LRWD1: variants seen among roughly 807,000 people sequenced by gnomAD.
The protein encoded by LRWD1 is leucine rich repeats and WD repeat domain containing 1.
Under a neutral mutation model 75.6 loss-of-function variants are expected in LRWD1, and 76 were observed. The ratio of observed to expected loss-of-function variants is 1.01; its 90% confidence interval spans 0.84 to 1.22. The LOEUF (loss-of-function observed/expected upper bound fraction) is 1.22. Ranked by LOEUF, LRWD1 falls within the 50% of genes most tolerant of loss-of-function variation. LRWD1 has a pLI of 0.00. For missense variants in LRWD1, 917 were observed against 862.0 expected (o/e 1.06, Z -0.80); for synonymous variants, 487 against 377.0 (o/e 1.29, Z -3.38).
At position 102,472,288 on chromosome 7, in the gene LRWD1, T is replaced by C. The variant is rs758830295; in HGVS notation, c.1513T>C (p.Phe505Leu). The C allele has an allele frequency of 1.3e-6, 2 of 1,583,832 alleles. No individual in the cohort carries two copies. Among genetic ancestry groups the C allele is most frequent in the South Asian group, 1.1e-5 (1 of 87,220 alleles). Reference protein sequence around the residue: ...ASGRRVDGLAFVNEDIVASKG... With the variant: ...ASGRRVDGLALVNEDIVASKG... ...TGGACGGAGAGTGGATGGGCTGGCATTTGTGAATGAGGACATCGTGGGTGA... is the reference window on the plus strand; with the variant it reads ...TGGACGGAGAGTGGATGGGCTGGCACTTGTGAATGAGGACATCGTGGGTGA... The change falls in exon 12 of 15, where the codon TTT (phenylalanine) becomes CTT (leucine). Residue 505 changes from phenylalanine to leucine, a missense_variant. Transcript: ENST00000292616.
rs75691611 is a variant in LRWD1, at chr7:102,467,723, G to A, written c.578G>A (p.Arg193Gln). 9,506 of 1,551,534 alleles carry A rather than the reference G, an allele frequency of 6.1e-3. 51 individuals carry two copies. Among genetic ancestry groups the A allele is most frequent in the South Asian group, 0.011 (946 of 84,032 alleles). Reference protein sequence around the residue: ...SLSEFTQWRVRMISEELVAAS... With the variant: ...SLSEFTQWRVQMISEELVAAS... ...TGATGGCCTGGCCCCACCCAGGTGC[G>A]GATGATCTCTGAGGAGCTGGTGGCC... is the stretch of plus-strand genomic sequence containing the variant. The change falls in exon 5 of 15, where the codon CGG becomes CAG. Residue 193 changes from arginine to glutamine, a missense_variant. Physicochemically the swap from Arg to Gln is conservative, Grantham distance 43 (BLOSUM62 1). Coordinates refer to ENST00000292616, the MANE Select transcript of LRWD1 (RefSeq NM_152892.3).
In LRWD1 at chr7:102,465,235, A is replaced by G. The variant is rs142288913; in HGVS notation, c.80+75A>G. On this transcript the variant is annotated intron_variant, in intron 1 of 14. Transcript: ENST00000292616. ...GGGAGAAGAGCGGGGACCCTCCCCAACGGCCCGCTTGTCCCCGTTATCGCC... is the reference window on the plus strand; with the variant it reads ...GGGAGAAGAGCGGGGACCCTCCCCAGCGGCCCGCTTGTCCCCGTTATCGCC... 1.9e-3 allele frequency: 2,486 copies of G among 1,299,870 alleles called. 38 individuals are homozygous for G. In the African/African-American group the frequency reaches 0.033, roughly 17 times the overall value. 80.5% of individuals were successfully genotyped at this position (1,299,870 alleles called of 1,614,324 possible).
In LRWD1 at chr7:102,468,847, C is replaced by T; in HGVS notation, c.1021-8C>T. 3 of 1,609,146 alleles carry T rather than the reference C, an allele frequency of 1.9e-6. No individual in the cohort carries two copies. The highest frequency in any genetic ancestry group is 1.7e-6 in the Non-Finnish European group (2 of 1,179,022). On this transcript the variant is annotated splice_region_variant and splice_polypyrimidine_tract_variant and intron_variant, in intron 8 of 14. Transcript: ENST00000292616. Reference sequence around the variant, plus strand: ...CCCCAGTGACTGTTTACTCTAACCCCCGCCCAGGAGTTCTTTTCTGTGGCC... The same window carrying T: ...CCCCAGTGACTGTTTACTCTAACCCTCGCCCAGGAGTTCTTTTCTGTGGCC...
intron 1 of LRWD1, 49 bp from the exon 2 acceptor site, chr7:102,465,765 GTGT>G: frequency 6.5e-6 from 9 of 1,380,072 alleles, no homozygotes; most frequent in Non-Finnish European, 9.3e-6. Flanking sequence ...GGGCAGATTG[GTGT>G]AGGGTGCAAA....
Position 102,473,163 on chromosome 7 carries a change from C to T in LRWD1, c.*114C>T, listed in dbSNP as rs1456302613. On this transcript the variant is annotated 3_prime_UTR_variant, in exon 15 of 15. Coordinates refer to ENST00000292616, the MANE Select transcript of LRWD1 (RefSeq NM_152892.3). ...TATTTTTATTAAACTCTACTGTGGA[C>T]AAGAAGCCTGTGGAAAGGTGTTTCG... 1 of 1,232,090 alleles carries T rather than the reference C, an allele frequency of 8.1e-7. No homozygotes were observed. The highest frequency in any genetic ancestry group is 1.5e-5 in the South Asian group (1 of 67,120). The allele number at this position is 1,232,090 out of a possible 1,614,324, so 76.3% of individuals were successfully genotyped here. A position where few individuals can be genotyped will look rare whatever the true frequency, so the allele number is the denominator to read the frequency against.
In LRWD1 at chr7:102,468,606, T is replaced by C. The variant is rs746712396; in HGVS notation, c.972T>C (p.Ile324=). Reference sequence around the variant, plus strand: ...GCGGCGGGGAGGCTGTGTGCGTAATTGATTGCCAGACGGGCATCGTGCTCC... The same window carrying C: ...GCGGCGGGGAGGCTGTGTGCGTAATCGATTGCCAGACGGGCATCGTGCTCC... ...ATCGGEAVCV[I]DCQTGIVLHK... Residue 324 remains isoleucine (I), a synonymous_variant, in exon 8 of 15, where the codon ATT becomes ATC. Coordinates refer to ENST00000292616, the MANE Select transcript of LRWD1 (RefSeq NM_152892.3). 5.7e-6 allele frequency: 9 copies of C among 1,578,570 alleles called. No individual in the cohort carries two copies. Among genetic ancestry groups the C allele is most frequent in the Admixed American group, 1.8e-5 (1 of 55,396 alleles).
intron 14 of LRWD1, 36 bp from the exon 15 acceptor site, chr7:102,472,873 G>A (rs1798255776): frequency 4.3e-6 from 7 of 1,611,866 alleles, no homozygotes; most frequent in Non-Finnish European, 5.9e-6. Flanking sequence ...TTGGTCAGCA[G>A]GAGCCCAGCC....
intron 7 of LRWD1, 25 bp from the exon 8 acceptor site, chr7:102,468,529 C>T (rs575802453): frequency 4.1e-5 from 64 of 1,555,648 alleles, no homozygotes; most frequent in African/African-American, 3.0e-4. Context: ...TCTGCTCATC[C>T]GACCTCTCAA....
Position 102,468,255 on chromosome 7 carries a change from C to A in LRWD1, c.805-8C>A. The stretch of plus-strand genomic sequence containing the variant: ...CTGGGCAGCTGTGACCCTTCTCTCC[C>A]CCCACAGCCTGCTGTGAAGCTGGAG... On this transcript the variant is annotated splice_region_variant and splice_polypyrimidine_tract_variant and intron_variant, in intron 6 of 14. Transcript: ENST00000292616. The A allele has an allele frequency of 6.2e-7, 1 of 1,604,536 alleles. No homozygotes were observed. Among genetic ancestry groups the A allele is most frequent in the Non-Finnish European group, 8.5e-7 (1 of 1,176,362 alleles).
rs1288715997 is a variant in LRWD1, at chr7:102,468,727, G to A, written c.1020+73G>A. ...CCTGAACAGCAGCATGGGGATGGAT[G>A]CAGGCTCGGCCCCCTGCCCCATGGC... On this transcript the variant is annotated intron_variant, in intron 8 of 14. Coordinates refer to ENST00000292616, the MANE Select transcript of LRWD1 (RefSeq NM_152892.3). 2.6e-6 allele frequency: 4 copies of A among 1,528,762 alleles called. No individual in the cohort carries two copies. In the African/African-American group the frequency reaches 4.1e-5, roughly 16 times the overall value. 94.7% of individuals were successfully genotyped at this position (1,528,762 alleles called of 1,614,324 possible).
chr7:102,473,123 G>A lies in LRWD1; in HGVS notation c.*74G>A. On this transcript the variant is annotated 3_prime_UTR_variant, in exon 15 of 15. Transcript: ENST00000292616. ...GCTTTGGGCCGATGGGGGTGGGGGG[G>A]GGTCTTTCAGTGAATATTTTTATTA... is the stretch of plus-strand genomic sequence containing the variant. The A allele has an allele frequency of 6.9e-7, 1 of 1,444,784 alleles. No homozygotes were observed. The highest frequency in any genetic ancestry group is 1.4e-5 in the African/African-American group (1 of 69,186). 89.5% of individuals were successfully genotyped at this position (1,444,784 alleles called of 1,614,324 possible).
At position 102,466,174 on chromosome 7, in the gene LRWD1, C is replaced by G; in HGVS notation, c.336C>G (p.Val112=). Residue 112 remains valine, a synonymous_variant, in exon 3 of 15, where the codon GTC becomes GTG. Transcript: ENST00000292616. The part of the protein sequence containing the change: ...PFLTVNDNLK[V]SFLLPTLRKV... Reference sequence around the variant, plus strand: ...CCCAGGTCAATGACAACCTGAAAGTCTCCTTTCTCCTGCCCACGCTCCGTA... The same window carrying G: ...CCCAGGTCAATGACAACCTGAAAGTGTCCTTTCTCCTGCCCACGCTCCGTA... The G allele has an allele frequency of 1.9e-6, 3 of 1,614,180 alleles. No individual in the cohort carries two copies. Among genetic ancestry groups the G allele is most frequent in the Non-Finnish European group, 2.5e-6 (3 of 1,180,026 alleles).
chr7:102,468,425 G>A lies in LRWD1; in HGVS notation c.919+48G>A, dbSNP rs555249190. On this transcript the variant is annotated intron_variant, in intron 7 of 14. Coordinates refer to ENST00000292616, the MANE Select transcript of LRWD1 (RefSeq NM_152892.3). ...GGCAAGGGCCGCTGGAAATAGGGCC[G>A]CCTGGATGGGTGGGGGATCAGGAGA... 1.2e-4 allele frequency: 190 copies of A among 1,549,148 alleles called. 2 individuals are homozygous for A. In the East Asian group the frequency reaches 4.1e-3, roughly 33 times the overall value.
chr7:102,469,312 G>T (rs1172993632), intron 9 of LRWD1, among the ~76,000 whole-genome samples: 1 of 152,210 alleles, frequency 6.6e-6, no homozygotes, highest in Non-Finnish European at 1.5e-5. Context: ...GACCTGGGGG[G>T]ATGCCCCTGC....
At chr7:102,469,170 G>C (rs1232661513) in intron 9 of LRWD1, 108 bp downstream of exon 9, 1 of 1,017,010 alleles carries the variant, frequency 9.8e-7, no homozygotes, top group Non-Finnish European at 1.4e-6. Context: ...GGCGCCTGCC[G>C]GGCCCCAGTC....
In LRWD1 at chr7:102,466,260, T is replaced by C; in HGVS notation, c.422T>C (p.Leu141Pro). ...CAGGTGGAGAACCTGAATCGGGAGCTGACCAGCAGGGTAAGGGGATGAGAG... is the reference window on the plus strand; with the variant it reads ...CAGGTGGAGAACCTGAATCGGGAGCCGACCAGCAGGGTAAGGGGATGAGAG... ...YSQVENLNRE[L>P]TSRVTAHWEK... The change falls in exon 3 of 15, where the codon CTG becomes CCG. Residue 141 changes from leucine (L) to proline (P), a missense_variant. Physicochemically the swap from Leu to Pro is moderately conservative, Grantham distance 98. Coordinates refer to ENST00000292616, the MANE Select transcript of LRWD1 (RefSeq NM_152892.3). 1 of 1,613,608 alleles carries C rather than the reference T, an allele frequency of 6.2e-7. No individual in the cohort carries two copies. The highest frequency in any genetic ancestry group is 8.5e-7 in the Non-Finnish European group (1 of 1,179,608).
intron 9 of LRWD1, 134 bp downstream of exon 9, chr7:102,469,196 C>A: frequency 1.3e-6 from 1 of 772,736 alleles, no homozygotes; most frequent in Non-Finnish European, 2.0e-6. Flanking sequence ...CGCTCCGACT[C>A]TAGCTTTGGC....
intron 1 of LRWD1, chr7:102,465,412 A>C (rs953221425): frequency 1.3e-5 from 5 of 391,612 alleles, no homozygotes; most frequent in African/African-American, 4.4e-5. Context: ...CCTGGGAAGC[A>C]CAGACGAGCC....
chr7:102,466,245 A>G lies in LRWD1; in HGVS notation c.407A>G (p.Asn136Ser). ...DASSTYSQVE[N>S]LNRELTSRVT... The stretch of plus-strand genomic sequence containing the variant: ...TCCTCAACTTACTCTCAGGTGGAGA[A>G]CCTGAATCGGGAGCTGACCAGCAGG... The change falls in exon 3 of 15, where the codon AAC (asparagine) becomes AGC (serine). Residue 136 changes from asparagine to serine, a missense_variant. Coordinates refer to ENST00000292616, the MANE Select transcript of LRWD1 (RefSeq NM_152892.3). The G allele has an allele frequency of 6.2e-7, 1 of 1,614,096 alleles. No homozygotes were observed. Among genetic ancestry groups the G allele is most frequent in the Non-Finnish European group, 8.5e-7 (1 of 1,180,000 alleles).
Sources: gnomAD v4.1 joint callset for allele counts (sites outside exome capture counted in the v4.1 genomes callset) on GRCh38, gnomAD v4.1.1 for gene constraint, MANE v1.5 for transcripts, NCBI Gene and HGNC (gene_info 2026-07-23, HGNC 2026-07-21) for gene names.